TANC2: variants seen among roughly 807,000 people sequenced by gnomAD.
TANC2 encodes the protein tetratricopeptide repeat, ankyrin repeat and coiled-coil containing 2, also known as protein TANC2.
Under a neutral mutation model 210.5 loss-of-function variants are expected in TANC2, and 26 were observed. The observed-to-expected ratio is 0.12, with a 90% CI of 0.09 to 0.17. TANC2 has a LOEUF of 0.17. Ranked by LOEUF, TANC2 falls within the 10% of genes least tolerant of loss-of-function variation. The pLI is 1.00. For missense variants in TANC2, 2,129 were observed against 2,608.9 expected, an observed-to-expected ratio of 0.82 and a Z score of 4.01; for synonymous variants, 931 against 967.1, an observed-to-expected ratio of 0.96 and a Z score of 0.69.
exon 28 of TANC2, chr17:63,427,146 C>T (rs973933390): frequency 1.3e-5 from 2 of 152,272 alleles, no homozygotes; most frequent in African/African-American, 2.4e-5. Flanking sequence ...AGGGCAGGTG[C>T]CTTTTCAGGC....
chr17:63,168,134 G>A (rs889821982), intron 5 of TANC2, among the ~76,000 whole-genome samples: 20 of 152,186 alleles, frequency 1.3e-4, no homozygotes, highest in African/African-American at 4.6e-4. Context: ...TTGGGAGGAC[G>A]AAGTAGAAGG....
chr17:62,987,536 T>A (rs997393538), intron 1 of TANC2, among the ~76,000 whole-genome samples: 1 of 152,150 alleles, frequency 6.6e-6, no homozygotes. Flanking sequence ...GCAAGGACTG[T>A]AGATATTTGT....
intron 3 of TANC2, among the ~76,000 whole-genome samples, chr17:63,080,200 C>T (rs2036721605): frequency 6.6e-6 from 1 of 152,228 alleles, no homozygotes; most frequent in Non-Finnish European, 1.5e-5. Flanking sequence ...ACTACAATTC[C>T]TGGAATTCGG....
intron 14 of TANC2, among the ~76,000 whole-genome samples, chr17:63,361,682 A>G (rs563439292): frequency 1.3e-5 from 2 of 152,194 alleles, no homozygotes; most frequent in African/African-American, 4.8e-5. Flanking sequence ...TCTCCTTCTC[A>G]TCGTCCACAA....
intron 12 of TANC2, among the ~76,000 whole-genome samples, chr17:63,348,908 A>C (rs1567939741): frequency 6.6e-6 from 1 of 152,190 alleles, no homozygotes; most frequent in Non-Finnish European, 1.5e-5. Flanking sequence ...CTTATCATTT[A>C]GCAAAGGAAA....
intron 14 of TANC2, among the ~76,000 whole-genome samples, chr17:63,373,222 A>G (rs994022505): frequency 6.6e-6 from 1 of 152,104 alleles, no homozygotes; most frequent in Admixed American, 6.6e-5. Context: ...ATAAAGGGAA[A>G]GCATAGTTGT....
intron 3 of TANC2, among the ~76,000 whole-genome samples, chr17:63,081,474 G>A (rs558062341): frequency 3.3e-5 from 5 of 152,268 alleles, no homozygotes; most frequent in South Asian, 4.2e-4. Flanking sequence ...GGATGCGTAT[G>A]CATATATAAA....
At chr17:63,176,552 T>A (rs2040587259) in intron 5 of TANC2, among the ~76,000 whole-genome samples, 1 of 152,192 alleles carries the variant, frequency 6.6e-6, no homozygotes, top group Admixed American at 6.5e-5. Flanking sequence ...ACGCCTGTAA[T>A]CCCAGCACTT....
At chr17:63,006,246 C>T (rs2033621845) in intron 1 of TANC2, among the ~76,000 whole-genome samples, 1 of 151,646 alleles carries the variant, frequency 6.6e-6, no homozygotes, top group African/African-American at 2.4e-5. Context: ...ATCTGTTTTG[C>T]ATTTGTTTTC....
chr17:63,383,901 A>G (rs1429746451), intron 15 of TANC2, among the ~76,000 whole-genome samples: 2 of 152,160 alleles, frequency 1.3e-5, no homozygotes, highest in Admixed American at 1.3e-4. Flanking sequence ...TTGAGAAACC[A>G]CTATTCTTTT....
At chr17:63,088,728 A>G (rs954743471) in intron 3 of TANC2, 1 of 152,160 alleles carries the variant, frequency 6.6e-6, no homozygotes, top group African/African-American at 2.4e-5. Context: ...TACAGTCATA[A>G]AGTTTGTCTT....
chr17:63,009,768 G>A (rs1371783415), intron 2 of TANC2, 142 bp downstream of exon 2: 25 of 672,470 alleles, frequency 3.7e-5, no homozygotes, highest in African/African-American at 5.4e-5. Context: ...GCTTTCATAC[G>A]CTTTATTAAG....
At chr17:63,372,579 G>A (rs549765647) in intron 14 of TANC2, among the ~76,000 whole-genome samples, 5 of 152,292 alleles carry the variant, frequency 3.3e-5, no homozygotes, top group Admixed American at 6.5e-5. Flanking sequence ...CGCTTAATAT[G>A]TCTCACTTAA....
At chr17:63,408,745 G>A (rs1041622175) in intron 21 of TANC2, among the ~76,000 whole-genome samples, 2 of 152,236 alleles carry the variant, frequency 1.3e-5, no homozygotes, top group African/African-American at 4.8e-5. Context: ...TAACTGCTGA[G>A]TAAACCCTGA....
At position 63,418,470 on chromosome 17, in the gene TANC2, C is replaced by T. The variant is rs145021444; in HGVS notation, c.4268+63C>T. ...TTTTCTGAAAATTTGGCCAAGGCAG[C>T]GTCGGCCACCCTGGGGCATATGTAC... On this transcript the variant is annotated intron_variant, in intron 27 of 27. Coordinates refer to ENST00000689528, the Ensembl canonical transcript of TANC2. The surrounding 1 kb of genome is among the most constrained non-coding windows in gnomAD (Gnocchi z 4.6). 8.4e-4 allele frequency: 1,238 copies of T among 1,467,538 alleles called. 6 individuals are homozygous for T. The African/African-American group carries it at 0.012, about 15-fold the overall frequency. The allele number at this position is 1,467,538 out of a possible 1,614,324, so 90.9% of individuals were successfully genotyped here. A position where few individuals can be genotyped will look rare whatever the true frequency, so the allele number is the denominator to read the frequency against.
chr17:63,055,943 C>T (rs543950242), intron 2 of TANC2, among the ~76,000 whole-genome samples: 6 of 111,714 alleles, frequency 5.4e-5, no homozygotes, highest in Non-Finnish European at 9.0e-5. Context: ...ACTTGTACAA[C>T]GTAGTGAGAC....
At chr17:63,097,282 A>G (rs1194937301) in intron 3 of TANC2, among the ~76,000 whole-genome samples, 1 of 152,122 alleles carries the variant, frequency 6.6e-6, no homozygotes, top group Non-Finnish European at 1.5e-5. Flanking sequence ...TATGGGCTCA[A>G]GTGATCCACT....
intron 7 of TANC2, among the ~76,000 whole-genome samples, chr17:63,218,881 C>G (rs1258025888): frequency 6.6e-6 from 1 of 151,456 alleles, no homozygotes; most frequent in African/African-American, 2.4e-5. Context: ...GCAACAAGAG[C>G]GAGACTCCAT....
At chr17:63,137,187 A>G (rs1268154761) in intron 4 of TANC2, among the ~76,000 whole-genome samples, 1 of 152,212 alleles carries the variant, frequency 6.6e-6, no homozygotes, top group Non-Finnish European at 1.5e-5. Flanking sequence ...GTAAGGCTAA[A>G]CTAGCCTCAG....
Sources: allele counts gnomAD v4.1 joint callset (sites outside exome capture counted in the v4.1 genomes callset), GRCh38; gene constraint gnomAD v4.1.1; non-coding constraint Gnocchi (gnomAD v3.1); transcripts MANE v1.5; gene names NCBI Gene and HGNC (gene_info 2026-07-23, HGNC 2026-07-21).